HERC1: variants seen among roughly 807,000 people sequenced by gnomAD.
HERC1 encodes the protein probable E3 ubiquitin-protein ligase HERC1.
In HERC1, 160 loss-of-function variants were observed where a neutral mutation model predicts 554.3. The observed-to-expected ratio is 0.29, with a 90% CI of 0.25 to 0.33. The LOEUF is 0.33. HERC1 is among the 10% of genes least tolerant of loss of function. HERC1 has a pLI of 1.00. For synonymous variants in HERC1, 2,175 were observed against 2,131.7 expected (o/e 1.02, Z -0.56); for missense variants, 4,919 against 5,918.5 (o/e 0.83, Z 5.54).
Position 63,758,343 on chromosome 15 carries a change from C to A in HERC1, c.1053G>T (p.Ser351=). ...TGCTATCTGGGCTAGCACATGTTCTCGAATAATCAGAAGCCATTCTGCAAA... is the reference window on the plus strand; with the variant it reads ...TGCTATCTGGGCTAGCACATGTTCTAGAATAATCAGAAGCCATTCTGCAAA... ...EEVCRMASDY[S]RTCASPDSIQ... Residue 351 remains serine (S), a synonymous_variant, in exon 4 of 78, where the codon TCG becomes TCT. Coordinates refer to ENST00000443617, the MANE Select transcript of HERC1 (RefSeq NM_003922.4). This position sits in a 1 kb window ranked among gnomAD's most constrained non-coding sequence, Gnocchi z 4.0. 1 of 1,593,062 alleles carries A rather than the reference C, an allele frequency of 6.3e-7. No individual in the cohort carries two copies.
chr15:63,658,878 T>C (rs886978663), intron 47 of HERC1, among the ~76,000 whole-genome samples, 160 bp from the exon 48 acceptor site: 3 of 152,264 alleles, frequency 2.0e-5, no homozygotes, highest in African/African-American at 7.2e-5. Flanking sequence ...GAAACTCACA[T>C]ATTTCTAAGT....
intron 45 of HERC1, 25 bp from the exon 46 acceptor site, chr15:63,661,050 C>T: frequency 6.9e-6 from 11 of 1,583,848 alleles, no homozygotes; most frequent in African/African-American, 1.3e-5. Flanking sequence ...AAGAACATTG[C>T]ATTTTTATAT....
At chr15:63,674,108 G>T (rs967859122) in intron 38 of HERC1, among the ~76,000 whole-genome samples, 1 of 151,930 alleles carries the variant, frequency 6.6e-6, no homozygotes, top group African/African-American at 2.4e-5. Flanking sequence ...AGTAATAATT[G>T]CTGTGTTCTA....
chr15:63,805,094 G>A (rs529373836), intron 1 of HERC1, among the ~76,000 whole-genome samples: 102 of 152,250 alleles, frequency 6.7e-4, no homozygotes, highest in Admixed American at 1.6e-3. Context: ...CCAGAAAAAT[G>A]AGAATACATG....
intron 47 of HERC1, 75 bp from the exon 48 acceptor site, chr15:63,658,793 A>G (rs985977396): frequency 8.3e-6 from 10 of 1,211,670 alleles, no homozygotes; most frequent in Non-Finnish European, 1.1e-5. Flanking sequence ...AACATTTCCT[A>G]TTCTACAGAG....
In HERC1 at chr15:63,747,100, G is replaced by A. The variant is rs770374223; in HGVS notation, c.2355-17C>T. ...TGGTGTTCTCTGAAACCAAATAAAC[G>A]TCTATGAATTCTCGGATCATAAAAG... On this transcript the variant is annotated splice_polypyrimidine_tract_variant and intron_variant, in intron 11 of 77. Transcript: ENST00000443617. 1.8e-5 allele frequency: 29 copies of A among 1,583,852 alleles called. No individual in the cohort carries two copies. Among genetic ancestry groups the A allele is most frequent in the East Asian group, 1.4e-4 (6 of 43,638 alleles).
chr15:63,661,092 G>T, intron 45 of HERC1, 67 bp from the exon 46 acceptor site: 1 of 1,133,984 alleles, frequency 8.8e-7, no homozygotes, highest in Non-Finnish European at 1.3e-6. Flanking sequence ...TGCAAATTAA[G>T]TCATTAGAAC....
At chr15:63,616,858 A>C (rs1373217834) in intron 74 of HERC1, 176 bp from the exon 75 acceptor site, 2 of 605,302 alleles carry the variant, frequency 3.3e-6, no homozygotes, top group Admixed American at 3.0e-5. Flanking sequence ...GGCTTCCCTA[A>C]TCACACGTTG....
intron 34 of HERC1, among the ~76,000 whole-genome samples, chr15:63,685,295 G>C (rs1313779852): frequency 3.9e-5 from 6 of 152,252 alleles, no homozygotes; most frequent in Admixed American, 3.9e-4. Context: ...TGAACTGGGA[G>C]CACAGAGTGG....
At chr15:63,647,702 A>C (rs1159205790) in intron 55 of HERC1, among the ~76,000 whole-genome samples, 4 of 152,230 alleles carry the variant, frequency 2.6e-5, no homozygotes, top group African/African-American at 9.6e-5. Flanking sequence ...TTTAAGCAAC[A>C]TGGTTGGAAC....
At chr15:63,754,411 A>T in intron 7 of HERC1, 94 bp downstream of exon 7, 1 of 804,542 alleles carries the variant, frequency 1.2e-6, no homozygotes, top group Non-Finnish European at 1.8e-6. Context: ...TCTGTATTTG[A>T]GTCATTCTAC....
intron 12 of HERC1, among the ~76,000 whole-genome samples, chr15:63,738,412 G>C (rs7173231): frequency 0.012 from 1,838 of 152,136 alleles, 38 homozygotes; most frequent in African/African-American, 0.043. Flanking sequence ...TTACTTAATA[G>C]TATTAAACCA....
At chr15:63,642,210 T>C (rs1416045743) in intron 59 of HERC1, among the ~76,000 whole-genome samples, 1 of 152,254 alleles carries the variant, frequency 6.6e-6, no homozygotes, top group East Asian at 1.9e-4. Context: ...TGTTATATCA[T>C]AGAATTACTT....
intron 34 of HERC1, among the ~76,000 whole-genome samples, chr15:63,683,781 G>A (rs1216315922): frequency 6.6e-6 from 1 of 152,188 alleles, no homozygotes; most frequent in African/African-American, 2.4e-5. Context: ...TCCAAGTACT[G>A]GGACTGTATA....
At position 63,749,618 on chromosome 15, in the gene HERC1, A is replaced by C; in HGVS notation, c.2047+29T>G. Reference sequence around the variant, plus strand: ...ATATTTACACAAGACAACAGTTAATACTATTTCCTTAAAAACAAATGACTT... The same window carrying C: ...ATATTTACACAAGACAACAGTTAATCCTATTTCCTTAAAAACAAATGACTT... On this transcript the variant is annotated intron_variant, in intron 9 of 77. Coordinates refer to ENST00000443617, the MANE Select transcript of HERC1 (RefSeq NM_003922.4). The surrounding 1 kb of genome is among the most constrained non-coding windows in gnomAD (Gnocchi z 4.1). The C allele has an allele frequency of 6.3e-7, 1 of 1,592,544 alleles. No homozygotes were observed. Among genetic ancestry groups the C allele is most frequent in the Non-Finnish European group, 8.6e-7 (1 of 1,168,796 alleles).
In HERC1 at chr15:63,643,845, C is replaced by T. The variant is rs577243919; in HGVS notation, c.11185-295G>A. ...ATTATCCCTCAGAGACAGGAAAATA[C>T]TGACTACTTTTTAACCAGTGTTTTG... On this transcript the variant is annotated intron_variant, in intron 57 of 77. Transcript: ENST00000443617. Among the ~76,000 whole-genome samples, 184 of 152,296 alleles carry T rather than the reference C, an allele frequency of 1.2e-3. 1 individual carries two copies. Among genetic ancestry groups the T allele is most frequent in the African/African-American group, 4.4e-3 (181 of 41,556 alleles).
intron 60 of HERC1, among the ~76,000 whole-genome samples, chr15:63,640,851 G>A (rs1405773664): frequency 2.0e-5 from 3 of 152,126 alleles, no homozygotes; most frequent in Admixed American, 6.5e-5. Context: ...AAAAAAGCAG[G>A]TAACTATTTA....
chr15:63,670,768 G>A (rs769020378), intron 39 of HERC1, among the ~76,000 whole-genome samples: 2 of 152,036 alleles, frequency 1.3e-5, no homozygotes, highest in East Asian at 1.9e-4. Context: ...TTAGAATGTC[G>A]TATCAGGCAA....
chr15:63,798,908 A>G (rs1410434910), intron 1 of HERC1, among the ~76,000 whole-genome samples: 1 of 152,232 alleles, frequency 6.6e-6, no homozygotes, highest in African/African-American at 2.4e-5. Context: ...TATAAATAAG[A>G]TATTTTACCA....
Sources: allele counts gnomAD v4.1 joint callset (sites outside exome capture counted in the v4.1 genomes callset), GRCh38; gene constraint gnomAD v4.1.1; non-coding constraint Gnocchi (gnomAD v3.1); transcripts MANE v1.5; gene names NCBI Gene and HGNC (gene_info 2026-07-23, HGNC 2026-07-21).